The following HS3ST2 variants were observed in gnomAD, a reference collection of about 807,000 sequenced individuals.
The protein encoded by HS3ST2 is heparan sulfate-glucosamine 3-sulfotransferase 2.
In HS3ST2, 17 loss-of-function variants were observed where a neutral mutation model predicts 26.3. That is an observed-to-expected ratio of 0.65 (90% CI 0.44 to 0.97). HS3ST2 has a LOEUF of 0.97. HS3ST2 is among the 50% of genes least tolerant of loss of function. The pLI is 0.00. For missense variants in HS3ST2, 402 were observed against 501.2 expected (o/e 0.80, Z 1.89); for synonymous variants, 237 against 219.2 (o/e 1.08, Z -0.72).
intron 1 of HS3ST2, among the ~76,000 whole-genome samples, chr16:22,888,225 G>T (rs1018088258): frequency 1.1e-4 from 17 of 152,034 alleles, no homozygotes; most frequent in Non-Finnish European, 1.9e-4. Context: ...GTGGGGACAG[G>T]AGAACCAAAT....
chr16:22,903,378 CTTGT>C (rs1285768926), intron 1 of HS3ST2, among the ~76,000 whole-genome samples: 1 of 152,178 alleles, frequency 6.6e-6, no homozygotes, highest in Non-Finnish European at 1.5e-5. Flanking sequence ...CAGCTATTGT[CTTGT>C]TTATGTCCAA....
chr16:22,908,991 G>C (rs1007621365), intron 1 of HS3ST2, among the ~76,000 whole-genome samples: 2 of 152,174 alleles, frequency 1.3e-5, no homozygotes, highest in African/African-American at 4.8e-5. Context: ...AGAAGAAAGG[G>C]GAAGAGCCAG....
intron 1 of HS3ST2, among the ~76,000 whole-genome samples, chr16:22,818,722 TC>T (rs1900915861): frequency 1.1e-4 from 5 of 45,746 alleles, no homozygotes; most frequent in African/African-American, 4.0e-4. Context: ...CTTCCTTCCT[TC>T]CCTCCCTCCC....
At chr16:22,819,486 T>C (rs1316085579) in intron 1 of HS3ST2, among the ~76,000 whole-genome samples, 1 of 152,216 alleles carries the variant, frequency 6.6e-6, no homozygotes, top group East Asian at 1.9e-4. Context: ...CAGGGAAAGC[T>C]GAGATATGTC....
chr16:22,830,330 C>G (rs369699309), intron 1 of HS3ST2, among the ~76,000 whole-genome samples: 3 of 152,178 alleles, frequency 2.0e-5, no homozygotes, highest in Non-Finnish European at 4.4e-5. Flanking sequence ...ATGTGAGTGC[C>G]TTTCTCATTC....
intron 1 of HS3ST2, among the ~76,000 whole-genome samples, chr16:22,848,363 A>G (rs79968542): frequency 0.012 from 1,825 of 152,280 alleles, 33 homozygotes; most frequent in African/African-American, 0.042. Context: ...GCACTCAGAA[A>G]ATGCTAGCTT....
intron 1 of HS3ST2, among the ~76,000 whole-genome samples, chr16:22,831,418 T>G (rs1901165789): frequency 6.6e-6 from 1 of 152,194 alleles, no homozygotes; most frequent in African/African-American, 2.4e-5. Context: ...CAATTGCAAA[T>G]GGATGGGGCA....
intron 1 of HS3ST2, among the ~76,000 whole-genome samples, chr16:22,843,921 TCCTAAGG>T (rs941000104): frequency 1.3e-5 from 2 of 152,064 alleles, no homozygotes; most frequent in Non-Finnish European, 2.9e-5. Context: ...ACAGACAGTT[TCCTAAGG>T]CCTAAGTCAC....
chr16:22,835,021 T>A (rs1249012792), intron 1 of HS3ST2, among the ~76,000 whole-genome samples: 1 of 152,176 alleles, frequency 6.6e-6, no homozygotes, highest in Non-Finnish European at 1.5e-5. Context: ...ACTTTATCTT[T>A]TAGTGTTTTA....
intron 1 of HS3ST2, among the ~76,000 whole-genome samples, chr16:22,862,229 G>A (rs987475189): frequency 6.6e-6 from 1 of 150,942 alleles, no homozygotes; most frequent in African/African-American, 2.4e-5. Context: ...AGGCAACTGT[G>A]TGTGTGTGGG....
At chr16:22,824,667 C>T (rs1231717531) in intron 1 of HS3ST2, among the ~76,000 whole-genome samples, 1 of 152,190 alleles carries the variant, frequency 6.6e-6, no homozygotes, top group Non-Finnish European at 1.5e-5. Context: ...GAGCGGAAGA[C>T]AATGCAACTT....
At chr16:22,862,321 A>G (rs1389801397) in intron 1 of HS3ST2, among the ~76,000 whole-genome samples, 10 of 148,428 alleles carry the variant, frequency 6.7e-5, no homozygotes, top group African/African-American at 2.5e-4. Flanking sequence ...CAAAGGTTGC[A>G]AACCAGTAGA....
chr16:22,867,862 G>C (rs1020909373), intron 1 of HS3ST2, among the ~76,000 whole-genome samples: 1 of 152,160 alleles, frequency 6.6e-6, no homozygotes, highest in Non-Finnish European at 1.5e-5. Flanking sequence ...AGGATGTTTA[G>C]TATAGTTTTA....
intron 1 of HS3ST2, among the ~76,000 whole-genome samples, chr16:22,862,502 C>T (rs1901693998): frequency 6.6e-6 from 1 of 152,196 alleles, no homozygotes; most frequent in East Asian, 1.9e-4. Flanking sequence ...CCGGCTCCTG[C>T]AGCATGTGAG....
chr16:22,887,884 A>G (rs1902082880), intron 1 of HS3ST2, among the ~76,000 whole-genome samples: 2 of 152,096 alleles, frequency 1.3e-5, no homozygotes, highest in Admixed American at 6.6e-5. Flanking sequence ...CTAGGAGTTC[A>G]AGGCTGCAGT....
At chr16:22,820,835 T>C in intron 1 of HS3ST2, among the ~76,000 whole-genome samples, 1 of 152,234 alleles carries the variant, frequency 6.6e-6, no homozygotes, top group East Asian at 1.9e-4. Context: ...GTTTTGGATG[T>C]TAACGTGTGA....
intron 1 of HS3ST2, among the ~76,000 whole-genome samples, chr16:22,833,017 C>T (rs954543056): frequency 6.6e-6 from 1 of 152,132 alleles, no homozygotes; most frequent in Non-Finnish European, 1.5e-5. Context: ...CCCTCAGTTC[C>T]TTCTTCTGAG....
At chr16:22,887,699 G>C (rs895184333) in intron 1 of HS3ST2, among the ~76,000 whole-genome samples, 9 of 151,944 alleles carry the variant, frequency 5.9e-5, no homozygotes, top group African/African-American at 2.2e-4. Context: ...GGGCATGCTT[G>C]GCCCATGAAG....
chr16:22,902,758 C>T (rs1902297534), intron 1 of HS3ST2, among the ~76,000 whole-genome samples: 1 of 152,124 alleles, frequency 6.6e-6, no homozygotes, highest in South Asian at 2.1e-4. Context: ...AATATTATCT[C>T]ATCATGATTT....
Sources: gnomAD v4.1 joint callset for allele counts (sites outside exome capture counted in the v4.1 genomes callset) on GRCh38, gnomAD v4.1.1 for gene constraint, MANE v1.5 for transcripts, NCBI Gene and HGNC (gene_info 2026-07-23, HGNC 2026-07-21) for gene names.